OPLAH: variants seen among roughly 807,000 people sequenced by gnomAD.
The protein encoded by OPLAH is 5-oxoprolinase.
OPLAH carries 103 observed loss-of-function variants against 122.8 expected under a neutral mutation model. The ratio of observed to expected loss-of-function variants is 0.84; its 90% confidence interval spans 0.71 to 0.99. The LOEUF (loss-of-function observed/expected upper bound fraction) is 0.99. OPLAH is among the 50% of genes least tolerant of loss of function. OPLAH has a pLI of 0.00. For missense variants in OPLAH, 1,902 were observed against 1,836.5 expected (o/e 1.04, Z -0.65); for synonymous variants, 875 against 796.0 (o/e 1.10, Z -1.67).
At position 144,052,092 on chromosome 8, in the gene OPLAH, C is replaced by A; in HGVS notation, c.3462-16G>T. ...GACCGGGTACCTGCGAGGGCGAGGA[C>A]GAGGGCAAAGACTCAGCGTGGCCCG... On this transcript the variant is annotated splice_polypyrimidine_tract_variant and intron_variant, in intron 24 of 26. Coordinates refer to ENST00000618853, the MANE Select transcript of OPLAH (RefSeq NM_017570.5). 1 of 1,574,502 alleles carries A rather than the reference C, an allele frequency of 6.4e-7. No homozygotes were observed. Among genetic ancestry groups the A allele is most frequent in the Non-Finnish European group, 8.6e-7 (1 of 1,166,844 alleles).
chr8:144,056,931 G>A lies in OPLAH; in HGVS notation c.1706+17C>T. The A allele has an allele frequency of 6.4e-7, 1 of 1,559,622 alleles. No individual in the cohort carries two copies. Among genetic ancestry groups the A allele is most frequent in the African/African-American group, 1.4e-5 (1 of 73,910 alleles). On this transcript the variant is annotated intron_variant, in intron 12 of 26. Transcript: ENST00000618853. ...GGACAACGTAAGCCCTCTGTCCAGGGCACCCTGGGAGCCCACCTGGGGAAG... is the reference window on the plus strand; with the variant it reads ...GGACAACGTAAGCCCTCTGTCCAGGACACCCTGGGAGCCCACCTGGGGAAG...
intron 1 of OPLAH, 48 bp from the exon 2 acceptor site, chr8:144,060,133 A>G: frequency 7.5e-7 from 1 of 1,336,490 alleles, no homozygotes; most frequent in Non-Finnish European, 1.0e-6. Context: ...GTGGGACTAG[A>G]GGCTCCCCAG....
chr8:144,059,773 C>T lies in OPLAH; in HGVS notation c.189G>A (p.Leu63=). Residue 63 remains leucine, a synonymous_variant, in exon 3 of 27, where the codon CTG becomes CTA. Transcript: ENST00000618853. The stretch of plus-strand genomic sequence containing the variant: ...TGGAGTCCAGCGGCTGGTCCCGGGG[C>T]AGGAGCATGCCGGCCTCCTGGGGAC... ...RILEQEAGML[L]PRDQPLDSSH... is the part of the protein sequence containing the mutation. 6.2e-7 allele frequency: 1 copy of T among 1,608,330 alleles called. No individual in the cohort carries two copies. The highest frequency in any genetic ancestry group is 8.5e-7 in the Non-Finnish European group (1 of 1,178,852).
Position 144,051,836 on chromosome 8 carries a change from G to T in OPLAH, c.3623-10C>A, listed in dbSNP as rs546219910. ...GCGCCAGGCTCGCCCCCTGCGGAGG[G>T]AGGCGAGGAGTCCAGAGAGACCAGG... is the stretch of plus-strand genomic sequence containing the variant. On this transcript the variant is annotated splice_polypyrimidine_tract_variant and intron_variant, in intron 25 of 26. Coordinates refer to ENST00000618853, the MANE Select transcript of OPLAH (RefSeq NM_017570.5). 2 of 1,532,504 alleles carry T rather than the reference G, an allele frequency of 1.3e-6. No homozygotes were observed. The highest frequency in any genetic ancestry group is 2.3e-5 in the South Asian group (2 of 85,740). The allele number at this position is 1,532,504 out of a possible 1,614,324, so 94.9% of individuals were successfully genotyped here.
rs1259519013 is a variant in OPLAH at position 144,051,339 on chromosome 8, T to G, written c.3854A>C (p.Gln1285Pro). 1.9e-6 allele frequency: 3 copies of G among 1,611,640 alleles called. No individual in the cohort carries two copies. The highest frequency in any genetic ancestry group is 2.7e-5 in the African/African-American group (2 of 74,910). ...HGSVYEYRRA[Q>P]EAV Reference sequence around the variant, plus strand: ...ATTGCGGGATCCTCACACGGCCTCCTGGGCCCGGCGATACTCATAGACGCT... The same window carrying G: ...ATTGCGGGATCCTCACACGGCCTCCGGGGCCCGGCGATACTCATAGACGCT... Residue 1285 changes from glutamine (Q) to proline (P), a missense_variant, in exon 27 of 27, where the codon CAG (glutamine) becomes CCG (proline). Gln to Pro is a moderately conservative substitution (Grantham distance 76, BLOSUM62 -1). This residue lies in a region of OPLAH where 1,726 missense variants were observed against 1,642.1 expected (regional missense o/e 1.05). Transcript: ENST00000618853.
rs1554758885 is a variant in OPLAH at position 144,055,900 on chromosome 8, G to C, written c.2136C>G (p.Thr712=). ...LVEPGCQAEV[T]KTGDICISVG... is the part of the protein sequence containing the mutation. Reference sequence around the variant, plus strand: ...CGGAGATGCAGATGTCCCCTGTCTTGGTCACCTCTGCCTGGCAACCTGGCT... The same window carrying C: ...CGGAGATGCAGATGTCCCCTGTCTTCGTCACCTCTGCCTGGCAACCTGGCT... The change falls in exon 16 of 27, where the codon ACC becomes ACG. Residue 712 remains threonine (T), a synonymous_variant. Transcript: ENST00000618853. The surrounding 1 kb of genome is among the most constrained non-coding windows in gnomAD (Gnocchi z 6.5). The C allele has an allele frequency of 1.3e-6, 2 of 1,587,634 alleles. No individual in the cohort carries two copies. The highest frequency in any genetic ancestry group is 3.5e-5 in the Admixed American group (2 of 56,642).
chr8:144,051,517 TGGCCCCTCCCTGTCACCTGCGCA>T, intron 26 of OPLAH, 45 bp from the exon 27 acceptor site: 1 of 1,399,716 alleles, frequency 7.1e-7, no homozygotes, highest in Non-Finnish European at 9.4e-7. Context: ...AGTGCAGGCG[TGGCCCCTCCCTGTCACCTGCGCA>T]GTCCCCTCCC....
intron 3 of OPLAH, 90 bp downstream of exon 3, chr8:144,059,509 C>T (rs2129843746): frequency 7.4e-7 from 1 of 1,359,912 alleles, no homozygotes; most frequent in Non-Finnish European, 1.0e-6. Context: ...TGAGCCATCA[C>T]TAATCCAACA....
At position 144,051,369 on chromosome 8, in the gene OPLAH, T is replaced by G. The variant is rs1554757594; in HGVS notation, c.3824A>C (p.His1275Pro). 1.2e-6 allele frequency: 2 copies of G among 1,607,950 alleles called. No homozygotes were observed. Among genetic ancestry groups the G allele is most frequent in the Non-Finnish European group, 1.7e-6 (2 of 1,177,764 alleles). ...CCGGCGATACTCATAGACGCTGCCGTGCTCGGGAAAGGCCAGTGCTTGCGG... is the reference window on the plus strand; with the variant it reads ...CCGGCGATACTCATAGACGCTGCCGGGCTCGGGAAAGGCCAGTGCTTGCGG... ...SPPQALAFPE[H>P]GSVYEYRRAQ... The change falls in exon 27 of 27, where the codon CAC becomes CCC. Residue 1275 changes from histidine to proline, a missense_variant. This residue lies in a region of OPLAH where 1,726 missense variants were observed against 1,642.1 expected (regional missense o/e 1.05). Transcript: ENST00000618853.
In OPLAH at chr8:144,056,222, G is replaced by A. The variant is rs1554758999; in HGVS notation, c.2021C>T (p.Thr674Ile). The change falls in exon 15 of 27, where the codon ACC (threonine) becomes ATC (isoleucine). Residue 674 changes from threonine (T) to isoleucine (I), a missense_variant. This residue lies in a region of OPLAH where 1,726 missense variants were observed against 1,642.1 expected (regional missense o/e 1.05). Coordinates refer to ENST00000618853, the MANE Select transcript of OPLAH (RefSeq NM_017570.5). ...CAGCTCTGCCAGCAGGTACACAGGGGTCTCCTGGTAGCCCCCCTCAAAGTA... is the reference window on the plus strand; with the variant it reads ...CAGCTCTGCCAGCAGGTACACAGGGATCTCCTGGTAGCCCCCCTCAAAGTA... ...QCYFEGGYQETPVYLLAELGY... is the reference protein window; with the variant it reads ...QCYFEGGYQEIPVYLLAELGY... 4.3e-6 allele frequency: 7 copies of A among 1,612,068 alleles called. No individual in the cohort carries two copies. Among genetic ancestry groups the A allele is most frequent in the Middle Eastern group, 1.7e-4 (1 of 6,060 alleles).
chr8:144,057,208 C>T lies in OPLAH; in HGVS notation c.1535G>A (p.Arg512Lys). ...ALGMDTVHIH[R>K]HSGLLSALGL... ...TCCGTGCACCCACACCCAGGCCCACCTGTGGATGTGCACCGTGTCCATGCC... is the reference window on the plus strand; with the variant it reads ...TCCGTGCACCCACACCCAGGCCCACTTGTGGATGTGCACCGTGTCCATGCC... The change falls in exon 11 of 27, where the codon AGG becomes AAG. Residue 512 changes from arginine to lysine, a missense_variant and splice_region_variant. Physicochemically the swap from Arg to Lys is conservative, Grantham distance 26. This residue lies in a region of OPLAH where 1,726 missense variants were observed against 1,642.1 expected (regional missense o/e 1.05). Transcript: ENST00000618853. The T allele has an allele frequency of 1.9e-6, 3 of 1,611,214 alleles. No homozygotes were observed. Among genetic ancestry groups the T allele is most frequent in the South Asian group, 1.1e-5 (1 of 90,732 alleles).
At position 144,058,139 on chromosome 8, in the gene OPLAH, G is replaced by C. The variant is rs782207308; in HGVS notation, c.959C>G (p.Thr320Arg). ...VIGFDMGGTS[T>R]DVSRYAGEFE... ...TTCCCCAGCATAGCGGCTCACATCCGTGGACGTGCCTGGCAGGGGTGGGGT... is the reference window on the plus strand; with the variant it reads ...TTCCCCAGCATAGCGGCTCACATCCCTGGACGTGCCTGGCAGGGGTGGGGT... Residue 320 changes from threonine (T) to arginine (R), a missense_variant, in exon 8 of 27, where the codon ACG becomes AGG. Thr to Arg is a moderately conservative substitution (Grantham distance 71). Coordinates refer to ENST00000618853, the MANE Select transcript of OPLAH (RefSeq NM_017570.5). 6.2e-7 allele frequency: 1 copy of C among 1,612,396 alleles called. No homozygotes were observed. Among genetic ancestry groups the C allele is most frequent in the Non-Finnish European group, 8.5e-7 (1 of 1,179,780 alleles).
chr8:144,059,608 G>C lies in OPLAH; in HGVS notation c.354C>G (p.Leu118=). ...CCAACATGGAGCTCACCAGGTCAAA[G>C]AGGTCCCCACGGGCTTGGGTGCCAA... ...LHIGTQARGD[L]FDLAVPMPEV... is the part of the protein sequence containing the mutation. The change falls in exon 3 of 27, where the codon CTC becomes CTG. Residue 118 remains leucine (L), a synonymous_variant. Coordinates refer to ENST00000618853, the MANE Select transcript of OPLAH (RefSeq NM_017570.5). 1 of 1,607,774 alleles carries C rather than the reference G, an allele frequency of 6.2e-7. No homozygotes were observed.
downstream of OPLAH, chr8:144,050,457 A>T: frequency 1.0e-6 from 1 of 985,630 alleles, no homozygotes; most frequent in Non-Finnish European, 1.2e-6. Flanking sequence ...ACTGCTGGAA[A>T]GGTCCAGCAG....
rs1554759715 is a variant in OPLAH at position 144,057,823 on chromosome 8, G to A, written c.1156+33C>T. ...CTGGGCCTGCGGCGGCAAGCGGAGG[G>A]CAAGGCCAGGCCGGCCAGATCCTGA... On this transcript the variant is annotated intron_variant, in intron 9 of 26. Coordinates refer to ENST00000618853, the MANE Select transcript of OPLAH (RefSeq NM_017570.5). The A allele has an allele frequency of 3.1e-6, 5 of 1,605,540 alleles. No individual in the cohort carries two copies. The Admixed American group carries it at 5.2e-5, about 17-fold the overall frequency.
Position 144,056,238 on chromosome 8 carries a change from C to T in OPLAH, c.2005G>A (p.Gly669Arg). 1.2e-6 allele frequency: 2 copies of T among 1,611,896 alleles called. No homozygotes were observed. Among genetic ancestry groups the T allele is most frequent in the Non-Finnish European group, 1.7e-6 (2 of 1,179,160 alleles). Reference sequence around the variant, plus strand: ...TACACAGGGGTCTCCTGGTAGCCCCCCTCAAAGTAGCACTGGGTCATCTGC... The same window carrying T: ...TACACAGGGGTCTCCTGGTAGCCCCTCTCAAAGTAGCACTGGGTCATCTGC... ...VDKMTQCYFE[G>R]GYQETPVYLL... Residue 669 changes from glycine to arginine, a missense_variant, in exon 15 of 27, where the codon GGG becomes AGG. Gly to Arg is a moderately radical substitution (Grantham distance 125). This residue lies in a region of OPLAH where 1,726 missense variants were observed against 1,642.1 expected (regional missense o/e 1.05). Coordinates refer to ENST00000618853, the MANE Select transcript of OPLAH (RefSeq NM_017570.5).
chr8:144,056,800 G>A, intron 12 of OPLAH, 45 bp from the exon 13 acceptor site: 4 of 1,565,234 alleles, frequency 2.6e-6, no homozygotes, highest in Non-Finnish European at 3.5e-6. Context: ...CCCCTGCCCT[G>A]ACCCCACCCC....
At chr8:144,053,498 G>A in intron 19 of OPLAH, 105 bp from the exon 20 acceptor site, 1 of 1,150,576 alleles carries the variant, frequency 8.7e-7, no homozygotes, top group Non-Finnish European at 1.2e-6. Flanking sequence ...AAAGCACCGA[G>A]GCCTGGCCTG....
intron 19 of OPLAH, 32 bp from the exon 20 acceptor site, chr8:144,053,425 G>A (rs1554758238): frequency 6.4e-6 from 10 of 1,574,108 alleles, no homozygotes; most frequent in African/African-American, 1.3e-5. Context: ...TGAGCCCCTG[G>A]CCAACCCTGT....
Sources: gnomAD v4.1 joint callset for allele counts on GRCh38, gnomAD v4.1.1 for gene constraint, gnomAD v4.1.1 regional missense constraint, Gnocchi (gnomAD v3.1) non-coding constraint, MANE v1.5 for transcripts, NCBI Gene and HGNC (gene_info 2026-07-23, HGNC 2026-07-21) for gene names.